The following CEMIP variants were observed in gnomAD, a reference collection of about 807,000 sequenced individuals.
The protein encoded by CEMIP is cell migration-inducing and hyaluronan-binding protein.
In CEMIP, 105 loss-of-function variants were observed where a neutral mutation model predicts 156.9. That is an observed-to-expected ratio of 0.67 (90% CI 0.57 to 0.79). The LOEUF (loss-of-function observed/expected upper bound fraction) is 0.79, where lower values mean the gene tolerates loss of function less well. CEMIP is among the 30% of genes least tolerant of loss of function. CEMIP has a pLI of 0.00. For synonymous variants in CEMIP, 676 were observed against 668.4 expected, an observed-to-expected ratio of 1.01 and a Z score of -0.17; for missense variants, 1,457 against 1,769.4, an observed-to-expected ratio of 0.82 and a Z score of 3.17.
At chr15:80,841,365 G>A (rs1232674463) in intron 1 of CEMIP, among the ~76,000 whole-genome samples, 1 of 152,128 alleles carries the variant, frequency 6.6e-6, no homozygotes, top group Admixed American at 6.5e-5. Context: ...TGATGGGTTG[G>A]GGGTGGAGAA....
Position 80,925,730 on chromosome 15 carries a change from G to T in CEMIP, c.2395G>T (p.Gly799Trp), listed in dbSNP as rs1307974391. ...NQDHGAWLRGGDVWLDSCRFA... is the reference protein window; with the variant it reads ...NQDHGAWLRGWDVWLDSCRFA... ...GGACCACGGGGCCTGGCTGCGCGGC[G>T]GGGATGTGTGGCTGGACAGCTGCCG... The change falls in exon 19 of 30, where the codon GGG becomes TGG. Residue 799 changes from glycine (G) to tryptophan (W), a missense_variant. Physicochemically the swap from Gly to Trp is radical, Grantham distance 184. Around this residue, in one of 5 missense-constraint regions of CEMIP, gnomAD observed 798 missense variants for 980.1 expected, o/e 0.81. Coordinates refer to ENST00000394685, the MANE Select transcript of CEMIP (RefSeq NM_001293298.2). 2 of 1,613,360 alleles carry T rather than the reference G, an allele frequency of 1.2e-6. No homozygotes were observed. The highest frequency in any genetic ancestry group is 8.5e-7 in the Non-Finnish European group (1 of 1,179,950).
rs373533806 is a variant in CEMIP at position 80,920,209 on chromosome 15, T to A, written c.1913T>A (p.Leu638His). 8.7e-6 allele frequency: 14 copies of A among 1,613,854 alleles called. No homozygotes were observed. The highest frequency in any genetic ancestry group is 1.0e-5 in the Non-Finnish European group (12 of 1,179,994). The part of the protein sequence containing the change: ...CLGLLVKSGT[L>H]LPSDRDSKMC... The stretch of plus-strand genomic sequence containing the variant: ...GGCCTCCTTGTCAAGTCTGGAACCC[T>A]CCTCCCCTCGGACCGTGACAGCAAG... The change falls in exon 15 of 30, where the codon CTC (leucine) becomes CAC (histidine). Residue 638 changes from leucine (L) to histidine (H), a missense_variant. This residue lies in a region of CEMIP where 798 missense variants were observed against 980.1 expected (regional missense o/e 0.81). Coordinates refer to ENST00000394685, the MANE Select transcript of CEMIP (RefSeq NM_001293298.2).
intron 1 of CEMIP, among the ~76,000 whole-genome samples, chr15:80,870,894 G>GTCC (rs1333526719): frequency 6.6e-6 from 1 of 152,206 alleles, no homozygotes; most frequent in Non-Finnish European, 1.5e-5. Flanking sequence ...GCAAGCTCAG[G>GTCC]TCCTCATGGC....
chr15:80,894,403 T>C (rs772024303), intron 10 of CEMIP, among the ~76,000 whole-genome samples: 7 of 152,204 alleles, frequency 4.6e-5, no homozygotes, highest in Non-Finnish European at 1.0e-4. Context: ...AGTTTTGCTA[T>C]GAAGATGAAA....
intron 7 of CEMIP, among the ~76,000 whole-genome samples, chr15:80,886,165 G>T (rs953411404): frequency 6.6e-6 from 1 of 152,280 alleles, no homozygotes; most frequent in South Asian, 2.1e-4. Flanking sequence ...TAGTGCAGAC[G>T]AACACATGAG....
At chr15:80,813,042 C>T (rs1437257755) in intron 1 of CEMIP, among the ~76,000 whole-genome samples, 1 of 152,140 alleles carries the variant, frequency 6.6e-6, no homozygotes, top group African/African-American at 2.4e-5. Flanking sequence ...TTTCCCTTTA[C>T]AATGCATGAT....
chr15:80,835,498 AC>A (rs1453834177), intron 1 of CEMIP, among the ~76,000 whole-genome samples: 4 of 152,168 alleles, frequency 2.6e-5, no homozygotes, highest in Admixed American at 2.0e-4. Flanking sequence ...CCGCATGGCC[AC>A]CCTTCAGCCT....
At chr15:80,931,270 C>G (rs1333122989) in intron 21 of CEMIP, among the ~76,000 whole-genome samples, 1 of 152,162 alleles carries the variant, frequency 6.6e-6, no homozygotes, top group East Asian at 1.9e-4. Context: ...TCATGTTTAT[C>G]ACCTTCCATT....
chr15:80,787,058 C>A (rs557660417), intron 1 of CEMIP, among the ~76,000 whole-genome samples: 28 of 152,274 alleles, frequency 1.8e-4, no homozygotes, highest in African/African-American at 6.5e-4. Context: ...CGCAGGGTTG[C>A]GGGTGGTGGC....
chr15:80,817,516 A>C (rs1836124310), intron 1 of CEMIP, among the ~76,000 whole-genome samples: 1 of 151,868 alleles, frequency 6.6e-6, no homozygotes, highest in Admixed American at 6.6e-5. Context: ...TGGGAGGATC[A>C]CTTGAGTCCG....
Position 80,936,740 on chromosome 15 carries a change from C to T in CEMIP, c.3076C>T (p.His1026Tyr), listed in dbSNP as rs750713377. 47 of 1,614,080 alleles carry T rather than the reference C, an allele frequency of 2.9e-5. No individual in the cohort carries two copies. Among genetic ancestry groups the T allele is most frequent in the African/African-American group, 5.3e-5 (4 of 74,944 alleles). The change falls in exon 24 of 30, where the codon CAC becomes TAC. Residue 1026 changes from histidine to tyrosine, a missense_variant. Physicochemically the swap from His to Tyr is moderately conservative, Grantham distance 83. Coordinates refer to ENST00000394685, the MANE Select transcript of CEMIP (RefSeq NM_001293298.2). ...MKIIKNDFPS[H>Y]PLYLEGALTR... ...GATCATCAAGAATGACTTCCCCAGC[C>T]ACCCTCTTTACCTGGAGGGGGCGCT...
intron 19 of CEMIP, among the ~76,000 whole-genome samples, chr15:80,927,504 C>T (rs532792651): frequency 6.6e-6 from 1 of 152,252 alleles, no homozygotes; most frequent in East Asian, 1.9e-4. Flanking sequence ...TCTCTTGGTT[C>T]TGGTTATTGG....
intron 1 of CEMIP, among the ~76,000 whole-genome samples, chr15:80,831,503 C>T (rs530499888): frequency 6.6e-4 from 100 of 152,240 alleles, no homozygotes; most frequent in African/African-American, 2.4e-3. Context: ...AGCGTGTTGG[C>T]TCAGGATCTC....
At chr15:80,875,387 T>C (rs8025349) in intron 3 of CEMIP, among the ~76,000 whole-genome samples, 46,588 of 151,964 alleles carry the variant, frequency 0.31, 7,568 homozygotes, top group East Asian at 0.59. Context: ...TACCTGAATT[T>C]ATTCATTTGT....
intron 20 of CEMIP, 40 bp downstream of exon 20, chr15:80,928,977 C>A: frequency 1.2e-6 from 2 of 1,614,242 alleles, no homozygotes; most frequent in Non-Finnish European, 1.7e-6. Context: ...TCTGTGGGAT[C>A]TTGTCTCTGG....
intron 9 of CEMIP, 138 bp from the exon 10 acceptor site, chr15:80,889,333 C>G (rs957554998): frequency 1.7e-6 from 2 of 1,174,764 alleles, no homozygotes; most frequent in Non-Finnish European, 2.5e-6. Flanking sequence ...TTAGAGCCAT[C>G]CATGCCCCAG....
At chr15:80,792,681 T>C (rs1896111377) in intron 1 of CEMIP, among the ~76,000 whole-genome samples, 1 of 152,104 alleles carries the variant, frequency 6.6e-6, no homozygotes, top group African/African-American at 2.4e-5. Context: ...TGCTGTGACT[T>C]TGGGGGAATT....
intron 1 of CEMIP, among the ~76,000 whole-genome samples, chr15:80,787,006 G>A (rs1000305591): frequency 1.3e-5 from 2 of 152,226 alleles, no homozygotes; most frequent in Non-Finnish European, 2.9e-5. Flanking sequence ...AAAAGAGGAG[G>A]CAAGTCAGAT....
In CEMIP at chr15:80,949,294, T is replaced by C. The variant is rs1596218317; in HGVS notation, c.*370T>C. On this transcript the variant is annotated 3_prime_UTR_variant, in exon 30 of 30. Transcript: ENST00000394685. ...CAGGAGCCCTGACCCAGCTAGGAGG[T>C]AGTCTGGAGGGCTGGTCATTCACAG... 5.5e-6 allele frequency: 2 copies of C among 362,096 alleles called. No homozygotes were observed. The highest frequency in any genetic ancestry group is 2.2e-5 in the South Asian group (1 of 44,622). The allele number at this position is 362,096 out of a possible 1,614,324, so 22.4% of individuals were successfully genotyped here.
Sources: gnomAD v4.1 joint callset for allele counts (sites outside exome capture counted in the v4.1 genomes callset) on GRCh38, gnomAD v4.1.1 for gene constraint, gnomAD v4.1.1 regional missense constraint, MANE v1.5 for transcripts, NCBI Gene and HGNC (gene_info 2026-07-23, HGNC 2026-07-21) for gene names.